Variants in DLEU7 observed in about 807,000 individuals in gnomAD.
DLEU7 encodes leukemia-associated protein 7.
DLEU7 carries 17 observed loss-of-function variants against 16.0 expected under a neutral mutation model. That is an observed-to-expected ratio of 1.06 (90% CI 0.73 to 1.59). The LOEUF is 1.59. DLEU7 is among the 40% of genes most tolerant of loss of function. The pLI is 0.00. For missense variants in DLEU7, 308 were observed against 314.9 expected (o/e 0.98, Z 0.17); for synonymous variants, 113 against 139.8 (o/e 0.81, Z 1.35).
At chr13:50,843,926 T>G, upstream of DLEU7, 17 of 407,656 alleles carry the variant, frequency 4.2e-5, no homozygotes, top group Non-Finnish European at 6.6e-5. This position sits in a 1 kb window ranked among gnomAD's most constrained non-coding sequence, Gnocchi z 5.7. Flanking sequence ...GCGTTGCTTC[T>G]TCCCTCTCTC....
At chr13:50,804,674 G>GA (rs1287502897) in intron 1 of DLEU7, among the ~76,000 whole-genome samples, 1 of 152,060 alleles carries the variant, frequency 6.6e-6, no homozygotes, top group Non-Finnish European at 1.5e-5. Context: ...TCGAACTCCT[G>GA]ACCTCAGGTG....
At chr13:50,810,137 A>T (rs1876521832) in intron 1 of DLEU7, among the ~76,000 whole-genome samples, 1 of 150,348 alleles carries the variant, frequency 6.7e-6, no homozygotes, top group South Asian at 2.1e-4. Context: ...TATAGTGATG[A>T]GTCCTCTACC....
intron 1 of DLEU7, among the ~76,000 whole-genome samples, chr13:50,825,626 C>T (rs1421709741): frequency 6.6e-6 from 1 of 152,040 alleles, no homozygotes; most frequent in East Asian, 1.9e-4. Flanking sequence ...GCCAAATATC[C>T]AGTTGTGTGG....
chr13:50,745,799 A>T (rs562658483), intron 1 of DLEU7, among the ~76,000 whole-genome samples: 1 of 152,268 alleles, frequency 6.6e-6, no homozygotes, highest in Admixed American at 6.5e-5. Flanking sequence ...AATGGCAGTG[A>T]ATTTCCTGAT....
intron 1 of DLEU7, among the ~76,000 whole-genome samples, chr13:50,759,307 T>C (rs1874855744): frequency 1.3e-5 from 2 of 152,182 alleles, no homozygotes; most frequent in South Asian, 4.1e-4. Context: ...GTAAAATCAC[T>C]TAACTATTAT....
At chr13:50,832,474 A>ATCTCC (rs1472720977) in intron 1 of DLEU7, among the ~76,000 whole-genome samples, 1 of 151,996 alleles carries the variant, frequency 6.6e-6, no homozygotes, top group African/African-American at 2.4e-5. Flanking sequence ...TCATGTCTCT[A>ATCTCC]TCTCCTTCAG....
chr13:50,755,300 T>C (rs1316817578), intron 1 of DLEU7, among the ~76,000 whole-genome samples: 1 of 152,208 alleles, frequency 6.6e-6, no homozygotes, highest in Non-Finnish European at 1.5e-5. Flanking sequence ...AACTCTTAGA[T>C]TTCTCTTCTC....
At chr13:50,751,910 T>A (rs963324948) in intron 1 of DLEU7, among the ~76,000 whole-genome samples, 4 of 44,566 alleles carry the variant, frequency 9.0e-5, no homozygotes, top group African/African-American at 6.6e-4. Flanking sequence ...TCTTTTGTAT[T>A]TTTTTTTGTT....
chr13:50,754,181 T>A (rs1874679092), intron 1 of DLEU7, among the ~76,000 whole-genome samples: 1 of 152,234 alleles, frequency 6.6e-6, no homozygotes, highest in Non-Finnish European at 1.5e-5. Context: ...TATATATCTG[T>A]TAAGTCCATT....
chr13:50,716,835 A>G (rs1225405209), intron 1 of DLEU7, among the ~76,000 whole-genome samples: 1 of 152,200 alleles, frequency 6.6e-6, no homozygotes, highest in Non-Finnish European at 1.5e-5. Context: ...TTAATGGACT[A>G]TTTTTTGAAA....
intron 1 of DLEU7, among the ~76,000 whole-genome samples, chr13:50,729,028 A>G (rs1291662274): frequency 4.6e-5 from 7 of 151,576 alleles, no homozygotes; most frequent in Non-Finnish European, 1.0e-4. Context: ...TTATTTATTT[A>G]TTTGTCTGTT....
At chr13:50,835,800 C>A (rs911198680) in intron 1 of DLEU7, among the ~76,000 whole-genome samples, 1 of 152,218 alleles carries the variant, frequency 6.6e-6, no homozygotes. Flanking sequence ...AATTCTTGAA[C>A]AACTGAAAAT....
chr13:50,714,604 C>T (rs966206813), intron 1 of DLEU7, among the ~76,000 whole-genome samples: 3 of 152,128 alleles, frequency 2.0e-5, no homozygotes, highest in Non-Finnish European at 2.9e-5. Flanking sequence ...CTGAAACCAT[C>T]GCTCAAATCT....
intron 1 of DLEU7, among the ~76,000 whole-genome samples, chr13:50,761,394 GAGT>G (rs1200155599): frequency 6.6e-6 from 1 of 151,078 alleles, no homozygotes; most frequent in Non-Finnish European, 1.5e-5. Flanking sequence ...AAAAGGGGTG[GAGT>G]GGAACAGTTA....
chr13:50,820,897 A>T (rs1017878164), downstream of DLEU7, among the ~76,000 whole-genome samples: 2 of 152,196 alleles, frequency 1.3e-5, no homozygotes, highest in Admixed American at 6.5e-5. Context: ...CAGTATAAAC[A>T]GTATCAAGAT....
downstream of DLEU7, among the ~76,000 whole-genome samples, chr13:50,818,791 T>G (rs912139942): frequency 6.6e-6 from 1 of 152,162 alleles, no homozygotes; most frequent in South Asian, 2.1e-4. Context: ...ATTCCCTGAC[T>G]GTGGGCCCGT....
chr13:50,793,029 T>C (rs946886554), intron 1 of DLEU7, among the ~76,000 whole-genome samples: 4 of 152,162 alleles, frequency 2.6e-5, no homozygotes, highest in African/African-American at 9.7e-5. Context: ...CCTGAATCCC[T>C]TCTTCCCATT....
chr13:50,717,142 G>A (rs1480425953), intron 1 of DLEU7, among the ~76,000 whole-genome samples: 1 of 152,196 alleles, frequency 6.6e-6, no homozygotes, highest in Non-Finnish European at 1.5e-5. Flanking sequence ...GATGCAACCA[G>A]CACAGAACTT....
intron 1 of DLEU7, chr13:50,719,753 G>A (rs1472465708): frequency 6.6e-6 from 1 of 152,176 alleles, no homozygotes; most frequent in Non-Finnish European, 1.5e-5. Flanking sequence ...GAATTAATAC[G>A]TGGTTTAGTT....
Sources: allele counts gnomAD v4.1 joint callset (sites outside exome capture counted in the v4.1 genomes callset), GRCh38; gene constraint gnomAD v4.1.1; non-coding constraint Gnocchi (gnomAD v3.1); transcripts MANE v1.5; gene names NCBI Gene and HGNC (gene_info 2026-07-23, HGNC 2026-07-21).